Variants in HSF4 observed in about 807,000 individuals in gnomAD.
The protein encoded by HSF4 is heat shock transcription factor 4.
In HSF4, 41 loss-of-function variants were observed where a neutral mutation model predicts 52.0. The observed-to-expected ratio is 0.79, with a 90% CI of 0.61 to 1.02. The LOEUF (loss-of-function observed/expected upper bound fraction) is 1.02. Among genes scored for constraint, HSF4 ranks in the 50% least tolerant of loss-of-function variants. The pLI is 0.00. For synonymous variants in HSF4, 285 were observed against 273.0 expected, an observed-to-expected ratio of 1.04 and a Z score of -0.43; for missense variants, 610 against 651.1, an observed-to-expected ratio of 0.94 and a Z score of 0.69.
At chr16:67,164,601 A>G (rs369313270), upstream of HSF4, 170 of 209,632 alleles carry the variant, frequency 8.1e-4, 1 homozygote, top group East Asian at 0.014. Flanking sequence ...ACTCCACTCC[A>G]CTCCACACAT....
At chr16:67,164,047 C>T (rs1447695815), upstream of HSF4, 1 of 717,080 alleles carries the variant, frequency 1.4e-6, no homozygotes, top group Middle Eastern at 2.5e-4. Context: ...CCTGGACACA[C>T]TGCCCCCCTC....
In HSF4 at chr16:67,165,696, C is replaced by T. The variant is rs375190952; in HGVS notation, c.233-23C>T. The T allele has an allele frequency of 5.6e-6, 9 of 1,611,772 alleles. No homozygotes were observed. The African/African-American group carries it at 6.7e-5, about 12-fold the overall frequency. ...TCGGTGCCGGGGATGGGGCGACCCA[C>T]GCCCCCACGCCCCACTCCCCAGACG... On this transcript the variant is annotated intron_variant, in intron 2 of 12. Coordinates refer to ENST00000521374, the MANE Select transcript of HSF4 (RefSeq NM_001374675.1). The surrounding 1 kb of genome is among the most constrained non-coding windows in gnomAD (Gnocchi z 6.9).
At position 67,164,901 on chromosome 16, in the gene HSF4, C is replaced by T. The variant is rs34623497; in HGVS notation, c.90C>T (p.Asp30=). The change falls in exon 1 of 13, where the codon GAC becomes GAT. Residue 30 remains aspartate (D), a synonymous_variant. Coordinates refer to ENST00000521374, the MANE Select transcript of HSF4 (RefSeq NM_001374675.1). ...FLGKLWALVG[D]PGTDHLIRWS... is the part of the protein sequence containing the mutation. ...GCAAGCTATGGGCGCTGGTGGGGGA[C>T]CCAGGCACAGACCACCTGATCCGCT... 135 of 1,608,176 alleles carry T rather than the reference C, an allele frequency of 8.4e-5. 1 individual carries two copies. Among genetic ancestry groups the T allele is most frequent in the Middle Eastern group, 6.9e-4 (4 of 5,806 alleles).
In HSF4 at chr16:67,169,353, T is replaced by C. The variant is rs768389519; in HGVS notation, c.1324+5T>C. ...GGTTAAATTCTCCAAGCCCAGGTAATGGTTGTGATGACTCCTACCTGGGAG... is the reference window on the plus strand; with the variant it reads ...GGTTAAATTCTCCAAGCCCAGGTAACGGTTGTGATGACTCCTACCTGGGAG... On this transcript the variant is annotated splice_donor_5th_base_variant and intron_variant, in intron 12 of 12. Coordinates refer to ENST00000521374, the MANE Select transcript of HSF4 (RefSeq NM_001374675.1). The surrounding 1 kb of genome is among the most constrained non-coding windows in gnomAD (Gnocchi z 4.3). 1.5e-5 allele frequency: 24 copies of C among 1,612,262 alleles called. No individual in the cohort carries two copies. The highest frequency in any genetic ancestry group is 2.0e-5 in the Non-Finnish European group (23 of 1,179,402).
rs749946667 is a variant in HSF4 at position 67,169,376 on chromosome 16, G to C, written c.1324+28G>C. On this transcript the variant is annotated intron_variant, in intron 12 of 12. Transcript: ENST00000521374. This position sits in a 1 kb window ranked among gnomAD's most constrained non-coding sequence, Gnocchi z 4.3. Reference sequence around the variant, plus strand: ...AATGGTTGTGATGACTCCTACCTGGGAGGACGCCGTGATTGGGCTGAGCTA... The same window carrying C: ...AATGGTTGTGATGACTCCTACCTGGCAGGACGCCGTGATTGGGCTGAGCTA... 5.6e-6 allele frequency: 9 copies of C among 1,606,034 alleles called. No individual in the cohort carries two copies. Among genetic ancestry groups the C allele is most frequent in the Non-Finnish European group, 7.7e-6 (9 of 1,176,288 alleles).
chr16:67,163,874 G>GT (rs2031046403), upstream of HSF4: 33 of 1,367,318 alleles, frequency 2.4e-5, no homozygotes, highest in Non-Finnish European at 3.0e-5. Context: ...GAGAGGGAAC[G>GT]GGGGGGGTGT....
At chr16:67,166,260 T>G (rs2145921155) in intron 4 of HSF4, 60 bp from the exon 5 acceptor site, 1 of 1,513,780 alleles carries the variant, frequency 6.6e-7, no homozygotes, top group East Asian at 2.3e-5. Flanking sequence ...CGCCATTCTG[T>G]GGGGGGTGGT....
chr16:67,169,459 C>A lies in HSF4; in HGVS notation c.1324+111C>A. ...GCAGGGAAATCCTGAGTTCAGGCTGCACTGCAGAGCGTTCCTTGAGCCACC... is the reference window on the plus strand; with the variant it reads ...GCAGGGAAATCCTGAGTTCAGGCTGAACTGCAGAGCGTTCCTTGAGCCACC... On this transcript the variant is annotated intron_variant, in intron 12 of 12. Coordinates refer to ENST00000521374, the MANE Select transcript of HSF4 (RefSeq NM_001374675.1). This position sits in a 1 kb window ranked among gnomAD's most constrained non-coding sequence, Gnocchi z 4.3. The A allele has an allele frequency of 6.4e-7, 1 of 1,568,182 alleles. No individual in the cohort carries two copies. The highest frequency in any genetic ancestry group is 8.6e-7 in the Non-Finnish European group (1 of 1,158,986).
upstream of HSF4, chr16:67,164,559 C>T: frequency 2.2e-6 from 1 of 453,320 alleles, no homozygotes; most frequent in Non-Finnish European, 4.4e-6. Context: ...TCTCACCCCA[C>T]CCCACCCCAC....
upstream of HSF4, chr16:67,163,826 C>T (rs1404020657): frequency 6.5e-7 from 1 of 1,537,808 alleles, no homozygotes; most frequent in Non-Finnish European, 8.7e-7. Flanking sequence ...CGTGATTGGG[C>T]GACTTCTCTC....
intron 9 of HSF4, 64 bp downstream of exon 9, chr16:67,168,011 C>G: frequency 7.6e-7 from 1 of 1,320,904 alleles, no homozygotes; most frequent in Admixed American, 2.0e-5. Flanking sequence ...GCCCACAAAG[C>G]TTCCTAGCCA....
chr16:67,165,412 A>G lies in HSF4; in HGVS notation c.124-110A>G. Reference sequence around the variant, plus strand: ...CCCGTAAGCGGCAGGCCTGGACCCAAGAGTGAGCATGAGTGTGTGCGCGCG... The same window carrying G: ...CCCGTAAGCGGCAGGCCTGGACCCAGGAGTGAGCATGAGTGTGTGCGCGCG... On this transcript the variant is annotated intron_variant, in intron 1 of 12. Coordinates refer to ENST00000521374, the MANE Select transcript of HSF4 (RefSeq NM_001374675.1). The surrounding 1 kb of genome is among the most constrained non-coding windows in gnomAD (Gnocchi z 6.9). 9.9e-7 allele frequency: 1 copy of G among 1,014,078 alleles called. No homozygotes were observed. The highest frequency in any genetic ancestry group is 1.8e-5 in the Admixed American group (1 of 55,306). 62.8% of individuals were successfully genotyped at this position (1,014,078 alleles called of 1,614,324 possible).
upstream of HSF4, chr16:67,164,516 A>G (rs1407066684): frequency 1.6e-6 from 1 of 626,966 alleles, no homozygotes; most frequent in Non-Finnish European, 3.0e-6. Context: ...AGGGACCGAG[A>G]GGGGTGGGAC....
chr16:67,167,626 G>A (rs1267964606), intron 8 of HSF4, 27 bp downstream of exon 8: 1 of 1,612,456 alleles, frequency 6.2e-7, no homozygotes, highest in Admixed American at 1.7e-5. Flanking sequence ...TGCCCCTGAG[G>A]GGCCTGTGGG....
Position 67,165,040 on chromosome 16 carries a change from C to G in HSF4, c.123+106C>G. 1 of 1,264,296 alleles carries G rather than the reference C, an allele frequency of 7.9e-7. No homozygotes were observed. Among genetic ancestry groups the G allele is most frequent in the Non-Finnish European group, 1.1e-6 (1 of 936,466 alleles). 78.3% of individuals were successfully genotyped at this position (1,264,296 alleles called of 1,614,324 possible). On this transcript the variant is annotated intron_variant, in intron 1 of 12. Transcript: ENST00000521374. The surrounding 1 kb of genome is among the most constrained non-coding windows in gnomAD (Gnocchi z 6.9). ...CTCCTGAGACTGGGCCGTGGATCCCCGGATTTGGCCATTCAGAGAAGTTCA... is the reference window on the plus strand; with the variant it reads ...CTCCTGAGACTGGGCCGTGGATCCCGGGATTTGGCCATTCAGAGAAGTTCA...
chr16:67,168,932 T>C lies in HSF4; in HGVS notation c.1184T>C (p.Leu395Pro). 1 of 1,613,816 alleles carries C rather than the reference T, an allele frequency of 6.2e-7. No individual in the cohort carries two copies. Among genetic ancestry groups the C allele is most frequent in the South Asian group, 1.1e-5 (1 of 91,062 alleles). The change falls in exon 10 of 13, where the codon CTA becomes CCA. Residue 395 changes from leucine to proline, a missense_variant. Leu to Pro is a moderately conservative substitution (Grantham distance 98, BLOSUM62 -3). Coordinates refer to ENST00000521374, the MANE Select transcript of HSF4 (RefSeq NM_001374675.1). ...GAAAGTGTGGAACCTGCAGGGCCTC[T>C]AGATGTGAGTACCCCTTCTGCTGAA... is the stretch of plus-strand genomic sequence containing the variant. The part of the protein sequence containing the change: ...PQESVEPAGP[L>P]DVLGPSLQGR...
Position 67,165,982 on chromosome 16 carries a change from C to T in HSF4, c.397C>T (p.Pro133Ser). Residue 133 changes from proline (P) to serine (S), a missense_variant, in exon 4 of 13, where the codon CCG becomes TCG. Transcript: ENST00000521374. The surrounding 1 kb of genome is among the most constrained non-coding windows in gnomAD (Gnocchi z 6.9). ...ALRGDDGRWR[P>S]EDLGRLLGEV... ...GCGCGGCGACGACGGCCGCTGGCGC[C>T]CGGAGGACCTGGGTCGACTACTGGG... 5.8e-6 allele frequency: 9 copies of T among 1,553,198 alleles called. No individual in the cohort carries two copies. Among genetic ancestry groups the T allele is most frequent in the Non-Finnish European group, 7.8e-6 (9 of 1,157,954 alleles).
In HSF4 at chr16:67,167,397, G is replaced by A. The variant is rs752334947; in HGVS notation, c.730-78G>A. The stretch of plus-strand genomic sequence containing the variant: ...CCTCAAACCTTCTCCCTTAGACCTG[G>A]CCCAGGTGGGTGTTGGTGGGGTTCT... On this transcript the variant is annotated intron_variant, in intron 7 of 12. Transcript: ENST00000521374. 2.9e-4 allele frequency: 464 copies of A among 1,612,476 alleles called. 2 individuals are homozygous for A. The highest frequency in any genetic ancestry group is 3.3e-4 in the Non-Finnish European group (388 of 1,179,974).
In HSF4 at chr16:67,165,049, C is replaced by A; in HGVS notation, c.123+115C>A. 8.2e-7 allele frequency: 1 copy of A among 1,212,418 alleles called. No individual in the cohort carries two copies. The highest frequency in any genetic ancestry group is 1.1e-6 in the Non-Finnish European group (1 of 888,178). The allele number at this position is 1,212,418 out of a possible 1,614,324, so 75.1% of individuals were successfully genotyped here. ...CTGGGCCGTGGATCCCCGGATTTGG[C>A]CATTCAGAGAAGTTCACCTTGGAGG... On this transcript the variant is annotated intron_variant, in intron 1 of 12. Coordinates refer to ENST00000521374, the MANE Select transcript of HSF4 (RefSeq NM_001374675.1). The surrounding 1 kb of genome is among the most constrained non-coding windows in gnomAD (Gnocchi z 6.9).
Sources: gnomAD v4.1 joint callset for allele counts on GRCh38, gnomAD v4.1.1 for gene constraint, Gnocchi (gnomAD v3.1) non-coding constraint, MANE v1.5 for transcripts, NCBI Gene and HGNC (gene_info 2026-07-23, HGNC 2026-07-21) for gene names.